GAP43: variants seen among roughly 807,000 people sequenced by gnomAD.
The protein encoded by GAP43 is growth associated protein 43.
Under a neutral mutation model 18.6 loss-of-function variants are expected in GAP43, and 6 were observed. The ratio of observed to expected loss-of-function variants is 0.32; its 90% confidence interval spans 0.18 to 0.64. GAP43 has a LOEUF of 0.64. Ranked by LOEUF, GAP43 falls within the 30% of genes least tolerant of loss-of-function variation. The probability of loss-of-function intolerance (pLI) is 0.78; values close to 1 mark genes in which losing one functional copy is unlikely to be tolerated. For missense variants in GAP43, 292 were observed against 295.5 expected (o/e 0.99, Z 0.09); for synonymous variants, 115 against 111.4 (o/e 1.03, Z -0.20).
At chr3:115,679,293 T>C (rs1708930420) in intron 2 of GAP43, among the ~76,000 whole-genome samples, 1 of 152,222 alleles carries the variant, frequency 6.6e-6, no homozygotes, top group Admixed American at 6.5e-5. Flanking sequence ...TTAATACCTA[T>C]GGAAATGTTG....
intron 2 of GAP43, among the ~76,000 whole-genome samples, chr3:115,683,928 G>A (rs529613064): frequency 1.5e-3 from 232 of 152,130 alleles, no homozygotes; most frequent in African/African-American, 4.7e-3. Flanking sequence ...TGAACGTCCC[G>A]AGAAAAGGTG....
chr3:115,654,764 G>C (rs1233715442), intron 1 of GAP43, among the ~76,000 whole-genome samples: 1 of 152,160 alleles, frequency 6.6e-6, no homozygotes, highest in Non-Finnish European at 1.5e-5. Flanking sequence ...TATATCCACT[G>C]CTGCAAAGAA....
intron 2 of GAP43, among the ~76,000 whole-genome samples, chr3:115,711,048 C>T (rs1709430319): frequency 6.6e-6 from 1 of 152,126 alleles, no homozygotes; most frequent in African/African-American, 2.4e-5. Context: ...TCCTGGATTT[C>T]AGTGCTGCCT....
intron 1 of GAP43, among the ~76,000 whole-genome samples, chr3:115,671,664 G>A (rs866122569): frequency 2.0e-5 from 3 of 152,176 alleles, no homozygotes; most frequent in Admixed American, 6.5e-5. Context: ...CAACAATTCT[G>A]TGTAAAAATG....
chr3:115,694,165 A>T (rs1352158229), intron 2 of GAP43, among the ~76,000 whole-genome samples: 1 of 152,170 alleles, frequency 6.6e-6, no homozygotes, highest in African/African-American at 2.4e-5. Context: ...TGAAACCCTG[A>T]GTGGCTGCCG....
intron 1 of GAP43, among the ~76,000 whole-genome samples, chr3:115,659,408 G>T (rs1012516180): frequency 2.6e-5 from 4 of 152,166 alleles, no homozygotes; most frequent in Non-Finnish European, 5.9e-5. Context: ...GAAGCAGGTG[G>T]AAAGAAGTGA....
At chr3:115,676,863 G>A (rs1708899599) in intron 2 of GAP43, among the ~76,000 whole-genome samples, 1 of 152,126 alleles carries the variant, frequency 6.6e-6, no homozygotes, top group Non-Finnish European at 1.5e-5. Context: ...GAAAGATCTG[G>A]CAATTACCTT....
intron 2 of GAP43, among the ~76,000 whole-genome samples, chr3:115,692,930 TGATTTAG>T (rs1317070509): frequency 2.0e-5 from 3 of 152,162 alleles, no homozygotes; most frequent in Non-Finnish European, 4.4e-5. Flanking sequence ...AAATCAAAAT[TGATTTAG>T]GATTAACTTC....
In GAP43 at chr3:115,623,642, G is replaced by C. The variant is rs1464950899; in HGVS notation, c.-48G>C. ...GGAGAGGGGGGGAATAAGAAAGAGA[G>C]AGAAGGAAAGGAGAGAAGGCAGGAA... On this transcript the variant is annotated 5_prime_UTR_variant, in exon 1 of 3. Transcript: ENST00000305124. 1.9e-6 allele frequency: 3 copies of C among 1,611,516 alleles called. No individual in the cohort carries two copies. Among genetic ancestry groups the C allele is most frequent in the Non-Finnish European group, 1.7e-6 (2 of 1,177,908 alleles).
chr3:115,641,454 T>TAG (rs1309035305), intron 1 of GAP43, among the ~76,000 whole-genome samples: 5 of 150,168 alleles, frequency 3.3e-5, no homozygotes, highest in South Asian at 4.2e-4. Flanking sequence ...TATATATATA[T>TAG]AGAGAGAGAA....
intron 2 of GAP43, among the ~76,000 whole-genome samples, chr3:115,697,366 G>A (rs1376282122): frequency 6.6e-6 from 1 of 152,162 alleles, no homozygotes; most frequent in Non-Finnish European, 1.5e-5. Flanking sequence ...CAGTTCTAAA[G>A]GAACTTCCTC....
chr3:115,656,971 C>T (rs1201053483), intron 1 of GAP43, among the ~76,000 whole-genome samples: 1 of 152,212 alleles, frequency 6.6e-6, no homozygotes, highest in Non-Finnish European at 1.5e-5. Flanking sequence ...TACACACGTA[C>T]TTGCGTATAA....
chr3:115,669,873 C>A (rs564523333), intron 1 of GAP43, among the ~76,000 whole-genome samples: 2 of 151,962 alleles, frequency 1.3e-5, no homozygotes, highest in Admixed American at 6.5e-5. Context: ...CACTCTGCTC[C>A]CCATTCCCCT....
chr3:115,710,143 T>G (rs768738400), intron 2 of GAP43, among the ~76,000 whole-genome samples: 1 of 152,140 alleles, frequency 6.6e-6, no homozygotes, highest in Non-Finnish European at 1.5e-5. Flanking sequence ...TTCACTATAA[T>G]GTGCCAAGCA....
chr3:115,624,238 G>A (rs1257879599), intron 1 of GAP43, among the ~76,000 whole-genome samples: 1 of 152,060 alleles, frequency 6.6e-6, no homozygotes, highest in African/African-American at 2.4e-5. Flanking sequence ...ATGGAAAAAC[G>A]TGCAGGTCTT....
intron 1 of GAP43, among the ~76,000 whole-genome samples, chr3:115,659,780 C>G (rs1275471447): frequency 1.3e-5 from 2 of 152,066 alleles, no homozygotes; most frequent in Non-Finnish European, 2.9e-5. Flanking sequence ...GTAGGAAGCT[C>G]ATGAGGGTTA....
chr3:115,672,733 C>CCTCTCCTCTCCTCTA (rs1162015500), intron 1 of GAP43, among the ~76,000 whole-genome samples: 7 of 23,476 alleles, frequency 3.0e-4, no homozygotes, highest in African/African-American at 1.2e-3. Flanking sequence ...TTCCCACATC[C>CCTCTCCTCTCCTCTA]CTCTCCTCTC....
intron 2 of GAP43, among the ~76,000 whole-genome samples, chr3:115,697,984 CGTGTGTGTGTGT>C (rs62915860): frequency 7.6e-4 from 84 of 110,900 alleles, no homozygotes; most frequent in African/African-American, 2.9e-3. Context: ...AGTACATGTG[CGTGTGTGTGTGT>C]GTGTGTGTGT....
chr3:115,700,118 G>A (rs1280704098), intron 2 of GAP43, among the ~76,000 whole-genome samples: 2 of 152,174 alleles, frequency 1.3e-5, no homozygotes, highest in Non-Finnish European at 2.9e-5. Context: ...GAGCTCACAA[G>A]TTAGCCTTAG....
Sources: gnomAD v4.1 joint callset for allele counts (sites outside exome capture counted in the v4.1 genomes callset) on GRCh38, gnomAD v4.1.1 for gene constraint, MANE v1.5 for transcripts, NCBI Gene and HGNC (gene_info 2026-07-23, HGNC 2026-07-21) for gene names.